Variants in CRHBP observed in about 807,000 individuals in gnomAD.
CRHBP encodes corticotropin-releasing hormone-binding protein.
In CRHBP, 19 loss-of-function variants were observed where a neutral mutation model predicts 34.9. The ratio of observed to expected loss-of-function variants is 0.55; its 90% confidence interval spans 0.38 to 0.80. The LOEUF (loss-of-function observed/expected upper bound fraction) is 0.80. Among genes scored for constraint, CRHBP ranks in the 30% least tolerant of loss-of-function variants. The pLI is 0.00. For synonymous variants in CRHBP, 154 were observed against 153.4 expected, an observed-to-expected ratio of 1.00 and a Z score of -0.03; for missense variants, 328 against 409.2, an observed-to-expected ratio of 0.80 and a Z score of 1.71.
chr5:76,963,412 T>C lies in CRHBP; in HGVS notation c.763T>C (p.Ser255Pro). The C allele has an allele frequency of 1.2e-6, 2 of 1,614,162 alleles. No homozygotes were observed. Among genetic ancestry groups the C allele is most frequent in the Non-Finnish European group, 1.7e-6 (2 of 1,180,008 alleles). ...GCTGGGAGGAACTGGATTGGACCCT[T>C]CCAAGATGACGCCTTTAGCTGATCT... ...ELLGGTGLDPSKMTPLADLCY... is the reference protein window; with the variant it reads ...ELLGGTGLDPPKMTPLADLCY... The change falls in exon 6 of 7, where the codon TCC (serine) becomes CCC (proline). Residue 255 changes from serine to proline, a missense_variant. Physicochemically the swap from Ser to Pro is moderately conservative, Grantham distance 74. This residue lies in a region of CRHBP where 144 missense variants were observed against 216.7 expected (regional missense o/e 0.66). Coordinates refer to ENST00000274368, the MANE Select transcript of CRHBP (RefSeq NM_001882.4).
In CRHBP at chr5:76,980,147, C is replaced by T. The variant is rs963360819; in HGVS notation, n.468-814C>T. Among the ~76,000 whole-genome samples the T allele has an allele frequency of 1.2e-4, 18 of 148,998 alleles. 1 individual carries two copies. In the Middle Eastern group the frequency reaches 0.01, roughly 86 times the overall value. On this transcript the variant is annotated intron_variant and non_coding_transcript_variant, in intron 3 of 3. Transcript: ENST00000514258. ...GCGGGCGCCTGTAGTCCCAGCTACT[C>T]GGGAGGCTGAGGCAGGAGAATGGCG...
chr5:76,968,338 G>A (rs936969879), intron 6 of CRHBP, among the ~76,000 whole-genome samples: 5 of 151,780 alleles, frequency 3.3e-5, no homozygotes, highest in Admixed American at 2.6e-4. Context: ...GTCCTTAGAG[G>A]GCCGTACTGT....
At chr5:76,961,657 G>A (rs996289589) in intron 5 of CRHBP, among the ~76,000 whole-genome samples, 1 of 152,134 alleles carries the variant, frequency 6.6e-6, no homozygotes, top group Non-Finnish European at 1.5e-5. Context: ...ACCTGCCCCT[G>A]CTCATTAGTG....
rs57642681 is a variant in CRHBP at position 76,953,308 on chromosome 5, C to A, written c.81+93C>A. 1,645 of 1,196,510 alleles carry A rather than the reference C, an allele frequency of 1.4e-3. 6 individuals carry two copies. In the African/African-American group the frequency reaches 0.017, roughly 12 times the overall value. The allele number at this position is 1,196,510 out of a possible 1,614,324, so 74.1% of individuals were successfully genotyped here. On this transcript the variant is annotated intron_variant, in intron 1 of 6. Transcript: ENST00000274368. ...CCTCTGCTCGCAGCCTTTTGGGGTT[C>A]GCTGTTTCTTCCCTCTCTGCTGGAT... is the stretch of plus-strand genomic sequence containing the variant.
chr5:76,980,417 G>A (rs1004666058), intron 3 of CRHBP, among the ~76,000 whole-genome samples: 1 of 152,190 alleles, frequency 6.6e-6, no homozygotes, highest in African/African-American at 2.4e-5. Context: ...CACCAGCATG[G>A]CAGTGACACT....
At chr5:76,970,061 C>T (rs1416104855), downstream of CRHBP, among the ~76,000 whole-genome samples, 1 of 148,948 alleles carries the variant, frequency 6.7e-6, no homozygotes, top group East Asian at 2.0e-4. Flanking sequence ...GATTCTCCTG[C>T]CTCAGCCTCC....
chr5:76,973,918 C>T (rs150252864), downstream of CRHBP, among the ~76,000 whole-genome samples: 1,452 of 152,194 alleles, frequency 9.5e-3, 21 homozygotes, highest in African/African-American at 0.033. Context: ...ATTCTCCCGC[C>T]TCAGCCTCCC....
At chr5:76,967,702 A>C (rs1745879684) in intron 6 of CRHBP, among the ~76,000 whole-genome samples, 1 of 145,022 alleles carries the variant, frequency 6.9e-6, no homozygotes, top group Non-Finnish European at 1.5e-5. Context: ...ATAAGATTGG[A>C]TTTTTTTTTT....
chr5:76,973,521 T>C (rs1745978138), downstream of CRHBP, among the ~76,000 whole-genome samples: 1 of 152,234 alleles, frequency 6.6e-6, no homozygotes, highest in Admixed American at 6.5e-5. Context: ...GCTATTGGAT[T>C]CAGCAATGGA....
chr5:76,958,135 G>T lies in CRHBP; in HGVS notation c.545-606G>T, dbSNP rs7704707. Among the ~76,000 whole-genome samples the T allele has an allele frequency of 7.1e-3, 1,082 of 151,864 alleles. 7 individuals carry two copies. The highest frequency in any genetic ancestry group is 0.024 in the African/African-American group (1,013 of 41,392). ...GATGGTGCCACTGCATTCTAGCCAG[G>T]GTGACAGAGCAAGATTCCATCTCAG... On this transcript the variant is annotated intron_variant, in intron 4 of 6. Coordinates refer to ENST00000274368, the MANE Select transcript of CRHBP (RefSeq NM_001882.4).
intron 2 of CRHBP, among the ~76,000 whole-genome samples, chr5:76,975,950 A>G (rs1235791133): frequency 2.7e-5 from 4 of 145,912 alleles, no homozygotes; most frequent in Non-Finnish European, 6.0e-5. Context: ...ATATATATAT[A>G]TATGCGTGTA....
chr5:76,966,101 C>A (rs1206554126), intron 6 of CRHBP, among the ~76,000 whole-genome samples: 1 of 152,150 alleles, frequency 6.6e-6, no homozygotes, highest in African/African-American at 2.4e-5. Context: ...TCACCGCAAC[C>A]TCCACCTATT....
intron 3 of CRHBP, among the ~76,000 whole-genome samples, chr5:76,954,695 G>A (rs922075259): frequency 2.0e-5 from 3 of 152,140 alleles, no homozygotes; most frequent in African/African-American, 7.2e-5. Context: ...TCAGTGCGCG[G>A]GTGACCCGAT....
intron 4 of CRHBP, among the ~76,000 whole-genome samples, chr5:76,958,358 C>A (rs930172355): frequency 6.6e-6 from 1 of 152,130 alleles, no homozygotes; most frequent in Admixed American, 6.5e-5. Context: ...TTTGGACTCA[C>A]CATTAAGCCT....
chr5:76,962,142 T>G (rs1020575348), intron 5 of CRHBP, among the ~76,000 whole-genome samples: 1 of 152,154 alleles, frequency 6.6e-6, no homozygotes, highest in East Asian at 1.9e-4. Flanking sequence ...TTTTGGTTCC[T>G]ATGTGTTAAG....
chr5:76,975,825 A>AAAATTATATATATATATAT, intron 2 of CRHBP, among the ~76,000 whole-genome samples: 1 of 61,846 alleles, frequency 1.6e-5, no homozygotes, highest in African/African-American at 9.1e-5. Flanking sequence ...AAAAAAAAAA[A>AAAATTATATATATATATAT]ATATATATAT....
chr5:76,975,526 G>T (rs145300111), intron 2 of CRHBP, among the ~76,000 whole-genome samples: 35 of 152,034 alleles, frequency 2.3e-4, no homozygotes, highest in African/African-American at 8.0e-4. Context: ...GTCCTGGCCA[G>T]GCATGGTGGC....
chr5:76,958,737 A>G lies in CRHBP; in HGVS notation c.545-4A>G. 6.2e-7 allele frequency: 1 copy of G among 1,600,356 alleles called. No individual in the cohort carries two copies. The highest frequency in any genetic ancestry group is 8.5e-7 in the Non-Finnish European group (1 of 1,176,754). ...ACGTGAATTTCTTTTTCTTTTCTAC[A>G]AAGCTTGCAATGTCATTTCTCAGAC... On this transcript the variant is annotated splice_region_variant and splice_polypyrimidine_tract_variant and intron_variant, in intron 4 of 6. Coordinates refer to ENST00000274368, the MANE Select transcript of CRHBP (RefSeq NM_001882.4).
intron 4 of CRHBP, 59 bp downstream of exon 4, chr5:76,955,922 T>A: frequency 2.7e-6 from 4 of 1,476,110 alleles, no homozygotes; most frequent in Non-Finnish European, 3.7e-6. Flanking sequence ...TTGAAAGTAG[T>A]ATCATTGCAC....
Sources: gnomAD v4.1 joint callset for allele counts (sites outside exome capture counted in the v4.1 genomes callset) on GRCh38, gnomAD v4.1.1 for gene constraint, gnomAD v4.1.1 regional missense constraint, MANE v1.5 for transcripts, NCBI Gene and HGNC (gene_info 2026-07-23, HGNC 2026-07-21) for gene names.